THSD7B: variants seen among roughly 807,000 people sequenced by gnomAD.
THSD7B encodes the protein thrombospondin type-1 domain-containing protein 7B.
A neutral mutation model predicts 213.6 loss-of-function variants in THSD7B; 138 were observed. The observed-to-expected ratio is 0.65, with a 90% CI of 0.56 to 0.74. THSD7B has a LOEUF of 0.74. Among genes scored for constraint, THSD7B ranks in the 30% least tolerant of loss-of-function variants. THSD7B has a pLI of 0.00. For synonymous variants in THSD7B, 742 were observed against 687.0 expected (o/e 1.08, Z -1.25); for missense variants, 1,931 against 1,991.5 (o/e 0.97, Z 0.58).
At chr2:137,554,418 G>C (rs1680910090) in intron 15 of THSD7B, among the ~76,000 whole-genome samples, 1 of 152,120 alleles carries the variant, frequency 6.6e-6, no homozygotes, top group South Asian at 2.1e-4. Flanking sequence ...CTTTGGTTAT[G>C]ACCAGAAGCA....
intron 10 of THSD7B, among the ~76,000 whole-genome samples, chr2:137,266,814 G>A (rs1052913835): frequency 3.9e-5 from 6 of 152,124 alleles, no homozygotes; most frequent in African/African-American, 1.2e-4. Context: ...CAGTGCCTAT[G>A]TTCACTCCTG....
chr2:137,157,273 A>G (rs9636226), intron 5 of THSD7B, among the ~76,000 whole-genome samples: 111,926 of 152,090 alleles, frequency 0.74, 41,431 homozygotes, highest in Middle Eastern at 0.76. Context: ...GGTGCCCCAC[A>G]GTACAGAAAG....
At chr2:136,831,896 CTA>C (rs1402922322) in intron 1 of THSD7B, among the ~76,000 whole-genome samples, 1 of 152,106 alleles carries the variant, frequency 6.6e-6, no homozygotes, top group Non-Finnish European at 1.5e-5. Context: ...TGGGCCTTTT[CTA>C]TGTTGCTCAG....
chr2:137,640,961 C>T (rs941758757), intron 20 of THSD7B, among the ~76,000 whole-genome samples: 1 of 152,166 alleles, frequency 6.6e-6, no homozygotes, highest in Non-Finnish European at 1.5e-5. Flanking sequence ...AGTTTACCAC[C>T]AAATCTATGA....
At chr2:137,108,622 G>A (rs1268025726) in intron 4 of THSD7B, among the ~76,000 whole-genome samples, 1 of 152,148 alleles carries the variant, frequency 6.6e-6, no homozygotes, top group African/African-American at 2.4e-5. Flanking sequence ...ATGAGGACGT[G>A]TATTTCCACA....
At chr2:137,319,921 C>T (rs1463700371) in intron 12 of THSD7B, among the ~76,000 whole-genome samples, 3 of 152,130 alleles carry the variant, frequency 2.0e-5, no homozygotes, top group Non-Finnish European at 4.4e-5. Context: ...TTGCCCTCCT[C>T]TTGCTCTTGC....
At chr2:137,226,898 C>A (rs938783499) in intron 7 of THSD7B, among the ~76,000 whole-genome samples, 1 of 152,152 alleles carries the variant, frequency 6.6e-6, no homozygotes, top group Non-Finnish European at 1.5e-5. Context: ...GAATATTGTT[C>A]ATTCATAAAA....
At chr2:136,874,674 A>G (rs1242322403) in intron 1 of THSD7B, among the ~76,000 whole-genome samples, 30 of 152,164 alleles carry the variant, frequency 2.0e-4, no homozygotes, top group Admixed American at 1.9e-3. Flanking sequence ...ACTTTTTTTT[A>G]TAGTCTCAAT....
chr2:137,475,655 T>G (rs1573647243), intron 15 of THSD7B, among the ~76,000 whole-genome samples: 1 of 152,302 alleles, frequency 6.6e-6, no homozygotes, highest in Admixed American at 6.5e-5. Context: ...TTCAAATGAC[T>G]TTATTTATGG....
intron 12 of THSD7B, among the ~76,000 whole-genome samples, chr2:137,330,102 C>G (rs1279710849): frequency 6.6e-6 from 1 of 152,114 alleles, no homozygotes; most frequent in Non-Finnish European, 1.5e-5. Context: ...GTGTAGAAGT[C>G]AAGATTTGAG....
intron 17 of THSD7B, among the ~76,000 whole-genome samples, chr2:137,614,924 A>G (rs1388708658): frequency 6.6e-6 from 1 of 152,182 alleles, no homozygotes; most frequent in Non-Finnish European, 1.5e-5. Context: ...AAAGAGGAAT[A>G]GGAATAAAAA....
intron 12 of THSD7B, among the ~76,000 whole-genome samples, chr2:137,280,516 A>G (rs1355758374): frequency 2.6e-5 from 4 of 152,104 alleles, no homozygotes; most frequent in Non-Finnish European, 5.9e-5. Flanking sequence ...CATTCGTGTA[A>G]TAATTTTTCA....
rs567715532 is a variant in THSD7B, at chr2:137,315,279, A to G, written c.2500+39253A>G. Among the ~76,000 whole-genome samples the G allele has an allele frequency of 3.5e-3, 532 of 152,208 alleles. 5 individuals are homozygous for G. Among genetic ancestry groups the G allele is most frequent in the African/African-American group, 0.012 (508 of 41,524 alleles). On this transcript the variant is annotated intron_variant, in intron 12 of 27. Transcript: ENST00000409968. ...GGAGTGACCCGATTTTCCAGGTGCC[A>G]TCTGTCACCCCTTTCTTTGACTCGG... is the stretch of plus-strand genomic sequence containing the variant.
intron 2 of THSD7B, among the ~76,000 whole-genome samples, chr2:137,031,159 C>T (rs1686658108): frequency 6.6e-6 from 1 of 151,924 alleles, no homozygotes; most frequent in South Asian, 2.1e-4. Flanking sequence ...GCCTGGCCAA[C>T]ATGGTGAAAC....
At chr2:137,182,390 T>C (rs1385625234) in intron 7 of THSD7B, among the ~76,000 whole-genome samples, 3 of 151,778 alleles carry the variant, frequency 2.0e-5, no homozygotes, top group African/African-American at 7.3e-5. Flanking sequence ...ATTGACAACT[T>C]ACAGAATTAT....
At chr2:136,866,907 A>G (rs891970763) in intron 1 of THSD7B, among the ~76,000 whole-genome samples, 2 of 151,470 alleles carry the variant, frequency 1.3e-5, no homozygotes, top group Non-Finnish European at 2.9e-5. Context: ...TCAATTTTCC[A>G]TATGTGTTTG....
rs78173182 is a variant in THSD7B at position 137,126,647 on chromosome 2, A to G, written c.1369+11354A>G. Among the ~76,000 whole-genome samples, 764 of 152,300 alleles carry G rather than the reference A, an allele frequency of 5.0e-3. 5 individuals carry two copies. The highest frequency in any genetic ancestry group is 0.018 in the African/African-American group (738 of 41,562). On this transcript the variant is annotated intron_variant, in intron 5 of 27. Coordinates refer to ENST00000409968, the MANE Select transcript of THSD7B (RefSeq NM_001316349.2). ...TCTCATCATTCATGTGTTTACTGCA[A>G]TAACACTTTTAATTTCCCTCAAAAA...
At chr2:137,282,701 G>A (rs1184945334) in intron 12 of THSD7B, among the ~76,000 whole-genome samples, 1 of 152,152 alleles carries the variant, frequency 6.6e-6, no homozygotes, top group Non-Finnish European at 1.5e-5. Context: ...GTTTGTCAAA[G>A]ATCAGATAGT....
intron 1 of THSD7B, among the ~76,000 whole-genome samples, chr2:136,871,090 T>A (rs1683424707): frequency 6.6e-6 from 1 of 152,138 alleles, no homozygotes; most frequent in Non-Finnish European, 1.5e-5. Flanking sequence ...TCAGGATGAC[T>A]CCTGGGCTTC....
Sources: allele counts gnomAD v4.1 joint callset (sites outside exome capture counted in the v4.1 genomes callset), GRCh38; gene constraint gnomAD v4.1.1; transcripts MANE v1.5; gene names NCBI Gene and HGNC (gene_info 2026-07-23, HGNC 2026-07-21).